The following WWC2 variants were observed in gnomAD, a reference collection of about 807,000 sequenced individuals.
The protein encoded by WWC2 is protein WWC2.
Under a neutral mutation model 138.5 loss-of-function variants are expected in WWC2, and 101 were observed. The observed-to-expected ratio is 0.73, with a 90% confidence interval of 0.62 to 0.86. WWC2 has a LOEUF of 0.86. Among genes scored for constraint, WWC2 ranks in the 40% least tolerant of loss-of-function variants. The pLI is 0.00. For missense variants in WWC2, 1,420 were observed against 1,419.4 expected (o/e 1.00, Z -0.01); for synonymous variants, 558 against 538.4 (o/e 1.04, Z -0.50).
chr4:183,139,352 A>T (rs1733219983), intron 1 of WWC2, among the ~76,000 whole-genome samples: 1 of 151,934 alleles, frequency 6.6e-6, no homozygotes, highest in African/African-American at 2.4e-5. Flanking sequence ...TAAACTTCAG[A>T]CTCTATAATG....
At chr4:183,233,764 A>G (rs757381177) in intron 4 of WWC2, 4 of 152,128 alleles carry the variant, frequency 2.6e-5, no homozygotes, top group East Asian at 1.9e-4. Context: ...TTCTTTGACT[A>G]TCTATCTGGA....
At chr4:183,259,169 G>T (rs896665708) in intron 9 of WWC2, among the ~76,000 whole-genome samples, 2 of 152,098 alleles carry the variant, frequency 1.3e-5, no homozygotes, top group South Asian at 4.1e-4. Flanking sequence ...AATCAGGGTT[G>T]GGAATGTTAT....
intron 6 of WWC2, 60 bp downstream of exon 6, chr4:183,245,605 T>G: frequency 6.8e-7 from 1 of 1,477,526 alleles, no homozygotes; most frequent in South Asian, 1.4e-5. Flanking sequence ...CCAGAAACTC[T>G]TACTGGGGCA....
intron 16 of WWC2, among the ~76,000 whole-genome samples, chr4:183,274,825 C>T (rs1257248362): frequency 2.6e-5 from 4 of 152,030 alleles, no homozygotes; most frequent in Non-Finnish European, 4.4e-5. Context: ...CCCACTGAAA[C>T]AGTGTGATGT....
chr4:183,199,731 A>G (rs1735250313), intron 2 of WWC2, among the ~76,000 whole-genome samples: 1 of 152,224 alleles, frequency 6.6e-6, no homozygotes, highest in African/African-American at 2.4e-5. Flanking sequence ...ATCTTCCATG[A>G]TAAGCTCTTG....
chr4:183,239,354 C>G (rs1006065530), intron 4 of WWC2, among the ~76,000 whole-genome samples: 3 of 152,060 alleles, frequency 2.0e-5, no homozygotes, highest in Non-Finnish European at 4.4e-5. Flanking sequence ...ACTTAAGGCT[C>G]TAACTTAATA....
chr4:183,247,629 A>G (rs1220662844), intron 6 of WWC2, among the ~76,000 whole-genome samples: 1 of 138,060 alleles, frequency 7.2e-6, no homozygotes, highest in Non-Finnish European at 1.5e-5. Flanking sequence ...TATACTATAT[A>G]CTATATATAC....
rs916796390 is a variant in WWC2, at chr4:183,280,889, T to G, written c.2676T>G (p.Asp892Glu). 5 of 1,563,384 alleles carry G rather than the reference T, an allele frequency of 3.2e-6. No homozygotes were observed. The African/African-American group carries it at 4.1e-5, about 13-fold the overall frequency. The change falls in exon 17 of 23, where the codon GAT becomes GAG. Residue 892 changes from aspartate (D) to glutamate (E), a missense_variant. By Grantham distance (45) the Asp-to-Glu change is conservative. Transcript: ENST00000403733. ...ESGQEEPRGP[D>E]GDWLTMLREA... The stretch of plus-strand genomic sequence containing the variant: ...GACAAGAAGAGCCAAGGGGCCCAGA[T>G]GGAGACTGGTTAAACACTTATTTCC...
At chr4:183,105,264 C>T (rs996232317) in intron 1 of WWC2, among the ~76,000 whole-genome samples, 4 of 152,168 alleles carry the variant, frequency 2.6e-5, no homozygotes, top group Admixed American at 6.5e-5. Context: ...TGACATGTGG[C>T]CTTCAACAAG....
chr4:183,261,347 A>G lies in WWC2; in HGVS notation c.1724A>G (p.Asp575Gly). The change falls in exon 11 of 23, where the codon GAT (aspartate) becomes GGT (glycine). Residue 575 changes from aspartate (D) to glycine (G), a missense_variant. By Grantham distance (94) the Asp-to-Gly change is moderately conservative. Coordinates refer to ENST00000403733, the MANE Select transcript of WWC2 (RefSeq NM_024949.6). Reference sequence around the variant, plus strand: ...ACGTTTCCCATGTCTTCTTCTCATGATGCCTCTCTCCATCAGTTCACTGCT... The same window carrying G: ...ACGTTTCCCATGTCTTCTTCTCATGGTGCCTCTCTCCATCAGTTCACTGCT... ...EGTFPMSSSH[D>G]ASLHQFTADF... 2 of 1,613,364 alleles carry G rather than the reference A, an allele frequency of 1.2e-6. No homozygotes were observed. Among genetic ancestry groups the G allele is most frequent in the Non-Finnish European group, 1.7e-6 (2 of 1,179,682 alleles).
chr4:183,238,378 C>T (rs879393231), intron 4 of WWC2, among the ~76,000 whole-genome samples: 3 of 152,188 alleles, frequency 2.0e-5, no homozygotes, highest in Non-Finnish European at 2.9e-5. Context: ...AATGGACCCT[C>T]GTGGCACTTC....
intron 21 of WWC2, among the ~76,000 whole-genome samples, chr4:183,308,000 C>T (rs1004379059): frequency 1.3e-5 from 2 of 152,188 alleles, no homozygotes; most frequent in Non-Finnish European, 2.9e-5. Flanking sequence ...ACAGAAACAA[C>T]TCTGGGAACT....
intron 2 of WWC2, among the ~76,000 whole-genome samples, chr4:183,205,613 A>AT (rs941783463): frequency 4.0e-5 from 6 of 151,520 alleles, no homozygotes; most frequent in African/African-American, 1.2e-4. Flanking sequence ...GGAGTTTTAT[A>AT]TTTTTTTTCT....
intron 1 of WWC2, among the ~76,000 whole-genome samples, chr4:183,151,591 GT>G (rs1433833992): frequency 6.6e-6 from 1 of 152,160 alleles, no homozygotes; most frequent in Non-Finnish European, 1.5e-5. Context: ...TGCTTTTGGT[GT>G]TTTAGACATG....
intron 1 of WWC2, among the ~76,000 whole-genome samples, chr4:183,172,556 GTT>G (rs61599876): frequency 3.2e-4 from 36 of 113,030 alleles, no homozygotes; most frequent in African/African-American, 6.9e-4. Flanking sequence ...TATGTTTCTT[GTT>G]TTTTTTTTTT....
In WWC2 at chr4:183,245,488, A is replaced by G. The variant is rs1736749495; in HGVS notation, c.675A>G (p.Leu225=). ...LSEAKAILTE[L]KSIRKAISSG... is the part of the protein sequence containing the mutation. The stretch of plus-strand genomic sequence containing the variant: ...AAGCCAAAGCCATTCTAACAGAACT[A>G]AAATCTATCAGAAAGGCAATTAGCT... Residue 225 remains leucine, a synonymous_variant, in exon 6 of 23, where the codon CTA becomes CTG. Transcript: ENST00000403733. The G allele has an allele frequency of 6.2e-6, 10 of 1,608,872 alleles. No individual in the cohort carries two copies. Among genetic ancestry groups the G allele is most frequent in the Admixed American group, 1.7e-5 (1 of 59,196 alleles).
chr4:183,132,534 A>T (rs572899138), intron 1 of WWC2, among the ~76,000 whole-genome samples: 1 of 151,744 alleles, frequency 6.6e-6, no homozygotes, highest in Non-Finnish European at 1.5e-5. Flanking sequence ...GCTCACTGCA[A>T]GCTCCGCCTC....
At chr4:183,281,680 G>A (rs1488407557) in intron 17 of WWC2, among the ~76,000 whole-genome samples, 1 of 151,998 alleles carries the variant, frequency 6.6e-6, no homozygotes, top group Non-Finnish European at 1.5e-5. Flanking sequence ...CATAAATAAC[G>A]CAGTCATGGA....
At chr4:183,226,095 C>CTTTT (rs11321151) in intron 4 of WWC2, among the ~76,000 whole-genome samples, 20 of 113,470 alleles carry the variant, frequency 1.8e-4, no homozygotes, top group East Asian at 4.4e-4. Flanking sequence ...CTTTTCTTTT[C>CTTTT]TTTTTTTTTT....
Sources: allele counts gnomAD v4.1 joint callset (sites outside exome capture counted in the v4.1 genomes callset), GRCh38; gene constraint gnomAD v4.1.1; transcripts MANE v1.5; gene names NCBI Gene and HGNC (gene_info 2026-07-23, HGNC 2026-07-21).